The following ZFYVE16 variants were observed in gnomAD, a reference collection of about 807,000 sequenced individuals.
ZFYVE16 encodes zinc finger FYVE domain-containing protein 16.
A neutral mutation model predicts 138.1 loss-of-function variants in ZFYVE16; 89 were observed. The ratio of observed to expected loss-of-function variants is 0.64; its 90% CI spans 0.54 to 0.77. The LOEUF is 0.77. ZFYVE16 is among the 30% of genes least tolerant of loss of function. The probability of loss-of-function intolerance (pLI) is 0.00; values close to 1 mark genes in which losing one functional copy is unlikely to be tolerated. For synonymous variants in ZFYVE16, 596 were observed against 618.3 expected, an observed-to-expected ratio of 0.96 and a Z score of 0.53; for missense variants, 1,793 against 1,786.7, an observed-to-expected ratio of 1.00 and a Z score of -0.06.
intron 15 of ZFYVE16, among the ~76,000 whole-genome samples, chr5:80,470,101 ATT>A (rs1185797719): frequency 2.8e-5 from 3 of 108,564 alleles, no homozygotes; most frequent in African/African-American, 1.3e-4. Context: ...GTGTGTGTGT[ATT>A]TTTTTTTTTT....
intron 10 of ZFYVE16, 81 bp downstream of exon 10, chr5:80,450,667 C>T: frequency 7.4e-7 from 1 of 1,359,246 alleles, no homozygotes. Flanking sequence ...GCTGTGCTAG[C>T]TATACTAAAG....
intron 4 of ZFYVE16, among the ~76,000 whole-genome samples, chr5:80,439,579 A>AT (rs33928082): frequency 1.1e-4 from 17 of 151,926 alleles, no homozygotes; most frequent in African/African-American, 3.9e-4. Context: ...GATCAGTCCT[A>AT]TTTTTTTTTA....
intron 1 of ZFYVE16, among the ~76,000 whole-genome samples, chr5:80,418,683 T>G (rs1041005653): frequency 3.9e-5 from 6 of 152,272 alleles, no homozygotes; most frequent in African/African-American, 1.4e-4. Context: ...TAATCAGATA[T>G]GTGTTTTGCA....
rs1016284509 is a variant in ZFYVE16 at position 80,481,967 on chromosome 5, G to A, written c.*4590G>A. Among the ~76,000 whole-genome samples the A allele has an allele frequency of 3.3e-5, 5 of 152,094 alleles. No individual in the cohort carries two copies. Among genetic ancestry groups the A allele is most frequent in the South Asian group, 4.1e-4 (2 of 4,822 alleles). ...CCTGAGTAGCTGTGACTACAGGTGT[G>A]TACCACCACGCCTAGATAATTTTTT... On this transcript the variant is annotated 3_prime_UTR_variant, in exon 19 of 19. Transcript: ENST00000505560.
intron 6 of ZFYVE16, among the ~76,000 whole-genome samples, chr5:80,444,761 A>G (rs556231461): frequency 6.6e-6 from 1 of 150,914 alleles, no homozygotes; most frequent in East Asian, 1.9e-4. Flanking sequence ...TTCTTTATAT[A>G]TATATATGAA....
At chr5:80,476,709 G>A (rs1470002501) in intron 18 of ZFYVE16, among the ~76,000 whole-genome samples, 1 of 152,142 alleles carries the variant, frequency 6.6e-6, no homozygotes, top group Non-Finnish European at 1.5e-5. Flanking sequence ...TACTGGAAAA[G>A]GGGTTTTGTT....
chr5:80,411,457 G>C (rs1164004527), intron 1 of ZFYVE16, among the ~76,000 whole-genome samples: 36 of 151,682 alleles, frequency 2.4e-4, no homozygotes, highest in Admixed American at 2.2e-3. Flanking sequence ...TGTAAAAATA[G>C]GTTTGCACTA....
At chr5:80,473,959 T>G in intron 17 of ZFYVE16, 100 bp downstream of exon 17, 1 of 812,520 alleles carries the variant, frequency 1.2e-6, no homozygotes, top group Non-Finnish European at 2.0e-6. Context: ...ATGCATAGCT[T>G]ATTATACTTT....
chr5:80,467,061 A>C (rs1181974893), intron 15 of ZFYVE16, among the ~76,000 whole-genome samples: 1 of 152,206 alleles, frequency 6.6e-6, no homozygotes, highest in African/African-American at 2.4e-5. Context: ...GGTTCCCTGG[A>C]AGACCCTACT....
chr5:80,443,421 A>G (rs1750941572), intron 6 of ZFYVE16, 137 bp downstream of exon 6: 2 of 1,073,396 alleles, frequency 1.9e-6, no homozygotes, highest in Non-Finnish European at 2.7e-6. Flanking sequence ...TTGGTTACAC[A>G]TGCAGGCTGG....
intron 3 of ZFYVE16, chr5:80,435,797 ACTC>A (rs1219926175): frequency 2.7e-6 from 1 of 377,338 alleles, no homozygotes; most frequent in Non-Finnish European, 5.3e-6. Flanking sequence ...CTGGTCTTGA[ACTC>A]CTGATCTCAA....
intron 6 of ZFYVE16, among the ~76,000 whole-genome samples, chr5:80,444,988 A>T (rs936996467): frequency 1.3e-5 from 2 of 152,116 alleles, no homozygotes; most frequent in African/African-American, 4.8e-5. Context: ...CTGGTCTAAT[A>T]TGCTATGAAT....
intron 1 of ZFYVE16, among the ~76,000 whole-genome samples, chr5:80,426,990 C>G (rs1243645615): frequency 6.6e-6 from 1 of 151,646 alleles, no homozygotes; most frequent in Non-Finnish European, 1.5e-5. Context: ...ATTTGCATTT[C>G]TCTAATGATC....
At chr5:80,434,069 T>C (rs1749518298) in intron 2 of ZFYVE16, 40 bp from the exon 3 acceptor site, 21 of 1,338,644 alleles carry the variant, frequency 1.6e-5, no homozygotes, top group Non-Finnish European at 2.1e-5. Flanking sequence ...AAATTTGTTA[T>C]GTAATTAAAT....
rs1160420635 is a variant in ZFYVE16 at position 80,481,460 on chromosome 5, T to A, written c.*4083T>A. On this transcript the variant is annotated 3_prime_UTR_variant, in exon 19 of 19. Transcript: ENST00000505560. Reference sequence around the variant, plus strand: ...AACACTGAATTACAGTGTAGGCCACTGTCCAAGTTTCAGATTGGCCACTAG... The same window carrying A: ...AACACTGAATTACAGTGTAGGCCACAGTCCAAGTTTCAGATTGGCCACTAG... Among the ~76,000 whole-genome samples the A allele has an allele frequency of 6.6e-6, 1 of 152,086 alleles. No homozygotes were observed. Among genetic ancestry groups the A allele is most frequent in the Non-Finnish European group, 1.5e-5 (1 of 68,008 alleles).
rs1484014309 is a variant in ZFYVE16 at position 80,436,800 on chromosome 5, A to G, written c.115A>G (p.Asn39Asp). 2 of 1,614,116 alleles carry G rather than the reference A, an allele frequency of 1.2e-6. No individual in the cohort carries two copies. Among genetic ancestry groups the G allele is most frequent in the East Asian group, 2.2e-5 (1 of 44,874 alleles). ...AGATGTACAAAATGCATATGATTCT[A>G]ACCACTGCTCAGTTTCTTCAGAGTT... ...LQDVQNAYDS[N>D]HCSVSSELAS... is the part of the protein sequence containing the mutation. Residue 39 changes from asparagine (N) to aspartate (D), a missense_variant, in exon 4 of 19, where the codon AAC (asparagine) becomes GAC (aspartate). By Grantham distance (23) the Asn-to-Asp change is conservative. Coordinates refer to ENST00000505560, the MANE Select transcript of ZFYVE16 (RefSeq NM_001284236.3).
chr5:80,443,215 A>T lies in ZFYVE16; in HGVS notation c.2512A>T (p.Asn838Tyr). ...TACTACTGTCCAGCCTCCTCAGGAGAACCAAACATCCAGTATACCTTCACC... is the reference window on the plus strand; with the variant it reads ...TACTACTGTCCAGCCTCCTCAGGAGTACCAAACATCCAGTATACCTTCACC... Reference protein sequence around the residue: ...ECTTVQPPQENQTSSIPSPAT... With the variant: ...ECTTVQPPQEYQTSSIPSPAT... Residue 838 changes from asparagine (N) to tyrosine (Y), a missense_variant, in exon 6 of 19, where the codon AAC (asparagine) becomes TAC (tyrosine). By Grantham distance (143) the Asn-to-Tyr change is moderately radical. This residue lies in a region of ZFYVE16 where 1,295 missense variants were observed against 1,204.3 expected (regional missense o/e 1.08). Coordinates refer to ENST00000505560, the MANE Select transcript of ZFYVE16 (RefSeq NM_001284236.3). 1.2e-6 allele frequency: 2 copies of T among 1,611,064 alleles called. No individual in the cohort carries two copies. Among genetic ancestry groups the T allele is most frequent in the Non-Finnish European group, 1.7e-6 (2 of 1,179,320 alleles).
At position 80,481,707 on chromosome 5, in the gene ZFYVE16, G is replaced by A. The variant is rs1049800918; in HGVS notation, c.*4330G>A. On this transcript the variant is annotated 3_prime_UTR_variant, in exon 19 of 19. Coordinates refer to ENST00000505560, the MANE Select transcript of ZFYVE16 (RefSeq NM_001284236.3). ...ATCCCAGAAACAACCCAAAATGATT[G>A]GACAAAGAACTTGTGAAACCTAAGC... 6.6e-6 allele frequency among the ~76,000 whole-genome samples: 1 copy of A among 152,078 alleles called. No homozygotes were observed. Among genetic ancestry groups the A allele is most frequent in the African/African-American group, 2.4e-5 (1 of 41,378 alleles).
intron 11 of ZFYVE16, chr5:80,455,071 A>G (rs1752383024): frequency 6.6e-6 from 1 of 152,260 alleles, no homozygotes; most frequent in Non-Finnish European, 1.5e-5. Context: ...TGTTTCACCA[A>G]TTATTAGTCA....
Sources: allele counts gnomAD v4.1 joint callset (sites outside exome capture counted in the v4.1 genomes callset), GRCh38; gene constraint gnomAD v4.1.1; regional missense constraint gnomAD v4.1.1; transcripts MANE v1.5; gene names NCBI Gene and HGNC (gene_info 2026-07-23, HGNC 2026-07-21).